VPS13B: variants seen among roughly 807,000 people sequenced by gnomAD.
VPS13B encodes intermembrane lipid transfer protein VPS13B.
Under a neutral mutation model 426.4 loss-of-function variants are expected in VPS13B, and 285 were observed. The observed-to-expected ratio is 0.67, with a 90% CI of 0.61 to 0.74. VPS13B has a LOEUF of 0.74. Among genes scored for constraint, VPS13B ranks in the 30% least tolerant of loss-of-function variants. VPS13B has a pLI of 0.00. For missense variants in VPS13B, 4,537 were observed against 4,782.6 expected (o/e 0.95, Z 1.51); for synonymous variants, 1,676 against 1,676.4 (o/e 1.00, Z 0.01).
chr8:99,729,843 TAGTC>T (rs1357608919), intron 39 of VPS13B, among the ~76,000 whole-genome samples: 6 of 152,350 alleles, frequency 3.9e-5, no homozygotes, highest in Non-Finnish European at 8.8e-5. Flanking sequence ...CAGATAGTAA[TAGTC>T]AGTATTATCC....
At chr8:99,143,282 G>C in intron 13 of VPS13B, 117 bp downstream of exon 13, 1 of 1,278,838 alleles carries the variant, frequency 7.8e-7, no homozygotes, top group Non-Finnish European at 1.1e-6. Flanking sequence ...TGTTTGCAAG[G>C]ACTTTGATAT....
intron 54 of VPS13B, among the ~76,000 whole-genome samples, chr8:99,847,067 A>C (rs1034298007): frequency 2.0e-5 from 3 of 152,014 alleles, no homozygotes; most frequent in Admixed American, 2.0e-4. Context: ...TTTCTTAAAG[A>C]ATATCTCTTT....
At chr8:99,752,417 A>G (rs1810443691) in intron 39 of VPS13B, among the ~76,000 whole-genome samples, 1 of 152,148 alleles carries the variant, frequency 6.6e-6, no homozygotes, top group Non-Finnish European at 1.5e-5. Flanking sequence ...TGTAAATAAA[A>G]TTTTATTGGA....
rs377394274 is a variant in VPS13B, at chr8:99,853,524, C to T, written c.10135C>T (p.His3379Tyr). ...CCTGGCAGTGTTTGATGACCTCACC[C>T]ACCACAAAGCATCAGCTGAGCTTCT... is the stretch of plus-strand genomic sequence containing the variant. ...LSLAVFDDLT[H>Y]HKASAELLRL... Residue 3379 changes from histidine (H) to tyrosine (Y), a missense_variant, in exon 56 of 62, where the codon CAC becomes TAC. By Grantham distance (83) the His-to-Tyr change is moderately conservative. Around this residue, in one of 2 missense-constraint regions of VPS13B, gnomAD observed 4,311 missense variants for 4,474.3 expected, o/e 0.96. Coordinates refer to ENST00000357162, the MANE Select transcript of VPS13B (RefSeq NM_152564.5). 22 of 1,614,054 alleles carry T rather than the reference C, an allele frequency of 1.4e-5. No homozygotes were observed. The highest frequency in any genetic ancestry group is 1.8e-5 in the Non-Finnish European group (21 of 1,180,030).
intron 19 of VPS13B, among the ~76,000 whole-genome samples, chr8:99,292,051 A>G (rs970930471): frequency 3.3e-5 from 5 of 152,120 alleles, no homozygotes; most frequent in Admixed American, 1.3e-4. Context: ...TTCTAAGACA[A>G]ATTTTTAAAA....
At chr8:99,454,249 A>G (rs748161011) in intron 23 of VPS13B, among the ~76,000 whole-genome samples, 2 of 152,064 alleles carry the variant, frequency 1.3e-5, no homozygotes, top group Non-Finnish European at 2.9e-5. Context: ...TAGTGGCACA[A>G]TCATAGCTCA....
intron 15 of VPS13B, among the ~76,000 whole-genome samples, chr8:99,162,725 C>G (rs1811740333): frequency 6.6e-6 from 1 of 152,162 alleles, no homozygotes; most frequent in African/African-American, 2.4e-5. Flanking sequence ...AGTGTTACAG[C>G]TCATAAAAGC....
chr8:99,362,139 C>CTTTTTTTT (rs71273181), intron 19 of VPS13B, among the ~76,000 whole-genome samples: 1 of 119,756 alleles, frequency 8.4e-6, no homozygotes, highest in Non-Finnish European at 1.8e-5. Context: ...TTTAATTTGT[C>CTTTTTTTT]TTTTTTTTTT....
rs541060210 is a variant in VPS13B at position 99,415,235 on chromosome 8, G to A, written c.3083-16302G>A. 1.4e-3 allele frequency among the ~76,000 whole-genome samples: 214 copies of A among 151,500 alleles called. 1 individual carries two copies. Among genetic ancestry groups the A allele is most frequent in the Non-Finnish European group, 2.3e-3 (154 of 67,914 alleles). ...CTTGTGTATGCTTCTCAAAGTTCTC[G>A]TGCTGTGTTTTTCATCTCCATCTCC... On this transcript the variant is annotated intron_variant, in intron 21 of 61. Transcript: ENST00000357162.
At chr8:99,106,351 C>T (rs1171318689) in intron 5 of VPS13B, among the ~76,000 whole-genome samples, 4 of 140,752 alleles carry the variant, frequency 2.8e-5, no homozygotes, top group Admixed American at 2.2e-4. Context: ...AGGAGAATCA[C>T]TTGAACCCAG....
chr8:99,162,255 G>A lies in VPS13B; in HGVS notation c.2208+5512G>A, dbSNP rs1811700628. Among the ~76,000 whole-genome samples the A allele has an allele frequency of 1.3e-5, 2 of 152,146 alleles. 1 individual carries two copies. The highest frequency in any genetic ancestry group is 4.1e-4 in the South Asian group (2 of 4,828). ...GTTGATTTTAGTAGCCTTTGAGGAA[G>A]TTTTTAAAGTTTTAGTTTTATCATA... On this transcript the variant is annotated intron_variant, in intron 15 of 61. Coordinates refer to ENST00000357162, the MANE Select transcript of VPS13B (RefSeq NM_152564.5).
At chr8:99,814,586 C>G (rs1324144008) in intron 44 of VPS13B, among the ~76,000 whole-genome samples, 1 of 152,092 alleles carries the variant, frequency 6.6e-6, no homozygotes, top group Non-Finnish European at 1.5e-5. Flanking sequence ...CCAGTCTTAC[C>G]TTCTCATATT....
chr8:99,345,768 A>AG (rs1811502945), intron 19 of VPS13B, among the ~76,000 whole-genome samples: 2 of 152,234 alleles, frequency 1.3e-5, no homozygotes, highest in Admixed American at 1.3e-4. Flanking sequence ...GTCATCAAAA[A>AG]TAAATACAGT....
At chr8:99,017,651 C>G (rs954757441) in intron 2 of VPS13B, among the ~76,000 whole-genome samples, 4 of 152,018 alleles carry the variant, frequency 2.6e-5, no homozygotes, top group African/African-American at 4.8e-5. Context: ...CACCACCACG[C>G]CTGGCTAACT....
At chr8:99,287,635 A>G (rs926838650) in intron 19 of VPS13B, among the ~76,000 whole-genome samples, 1 of 152,034 alleles carries the variant, frequency 6.6e-6, no homozygotes, top group African/African-American at 2.4e-5. Context: ...TTAGTTATAG[A>G]TAAATAATAA....
At chr8:99,382,416 C>T (rs1395243449) in intron 19 of VPS13B, among the ~76,000 whole-genome samples, 1 of 152,088 alleles carries the variant, frequency 6.6e-6, no homozygotes, top group Non-Finnish European at 1.5e-5. Flanking sequence ...TTGCTTTGGA[C>T]AGAATGGCCC....
chr8:99,713,058 A>G (rs1158114695), intron 36 of VPS13B, among the ~76,000 whole-genome samples: 3 of 152,214 alleles, frequency 2.0e-5, no homozygotes, highest in East Asian at 1.9e-4. Flanking sequence ...TTAGTACAAT[A>G]TCAGTATTTA....
chr8:99,152,592 C>T (rs1811130696), intron 14 of VPS13B, among the ~76,000 whole-genome samples: 1 of 152,186 alleles, frequency 6.6e-6, no homozygotes, highest in Non-Finnish European at 1.5e-5. Flanking sequence ...ATATTGAAGT[C>T]TCCAACCAAA....
chr8:99,413,247 G>A (rs950849779), intron 21 of VPS13B, among the ~76,000 whole-genome samples: 10 of 152,024 alleles, frequency 6.6e-5, no homozygotes, highest in Non-Finnish European at 5.9e-5. Context: ...CTTATTATTG[G>A]TCTATTCAGG....
Sources: allele counts gnomAD v4.1 joint callset (sites outside exome capture counted in the v4.1 genomes callset), GRCh38; gene constraint gnomAD v4.1.1; regional missense constraint gnomAD v4.1.1; transcripts MANE v1.5; gene names NCBI Gene and HGNC (gene_info 2026-07-23, HGNC 2026-07-21).